FARS2: variants seen among roughly 807,000 people sequenced by gnomAD.
FARS2 encodes phenylalanyl-tRNA synthetase 2, mitochondrial, also known as phenylalanine--tRNA ligase, mitochondrial.
A neutral mutation model predicts 46.4 loss-of-function variants in FARS2; 40 were observed. The observed-to-expected ratio is 0.86, with a 90% CI of 0.67 to 1.12. The LOEUF (loss-of-function observed/expected upper bound fraction) is 1.12. FARS2 is among the 50% of genes most tolerant of loss of function. The probability of loss-of-function intolerance (pLI) is 0.00; values close to 1 mark genes in which losing one functional copy is unlikely to be tolerated. For synonymous variants in FARS2, 234 were observed against 214.9 expected (o/e 1.09, Z -0.78); for missense variants, 513 against 567.9 (o/e 0.90, Z 0.98).
At chr6:5,357,201 C>T (rs1757988361) in intron 1 of FARS2, among the ~76,000 whole-genome samples, 1 of 152,092 alleles carries the variant, frequency 6.6e-6, no homozygotes, top group Non-Finnish European at 1.5e-5. Flanking sequence ...GTCACTAGAT[C>T]CATTATGGGG....
At chr6:5,395,610 G>C (rs1376547281) in intron 2 of FARS2, among the ~76,000 whole-genome samples, 2 of 152,040 alleles carry the variant, frequency 1.3e-5, no homozygotes, top group African/African-American at 4.8e-5. Flanking sequence ...CATCTTATTA[G>C]TTCTCCTCTC....
intron 3 of FARS2, among the ~76,000 whole-genome samples, chr6:5,405,569 T>C (rs1761536936): frequency 7.0e-6 from 1 of 142,324 alleles, no homozygotes. Context: ...CTCAGCTCAC[T>C]GCAAGCTCTG....
intron 6 of FARS2, among the ~76,000 whole-genome samples, chr6:5,619,919 C>T (rs1775675746): frequency 1.3e-5 from 2 of 152,152 alleles, no homozygotes; most frequent in South Asian, 4.1e-4. Context: ...AGATGAGATT[C>T]ACCCATCATC....
chr6:5,454,148 T>C (rs1013689475), intron 4 of FARS2, among the ~76,000 whole-genome samples: 1 of 151,806 alleles, frequency 6.6e-6, no homozygotes, highest in African/African-American at 2.4e-5. Flanking sequence ...CAAAGCAGTA[T>C]GCCTAGTACT....
At chr6:5,271,480 A>G (rs901280962) in intron 1 of FARS2, among the ~76,000 whole-genome samples, 1 of 152,122 alleles carries the variant, frequency 6.6e-6, no homozygotes, top group Non-Finnish European at 1.5e-5. Context: ...TCACTAGAGC[A>G]ATCTTGCCAG....
At chr6:5,726,577 T>G (rs1760271528) in intron 6 of FARS2, among the ~76,000 whole-genome samples, 1 of 152,196 alleles carries the variant, frequency 6.6e-6, no homozygotes, top group Non-Finnish European at 1.5e-5. Flanking sequence ...CCTTTAATAT[T>G]TCTGCAATTG....
upstream of FARS2, chr6:5,261,329 C>T (rs1765104909): frequency 6.5e-6 from 1 of 152,978 alleles, no homozygotes; most frequent in Non-Finnish European, 1.5e-5. Flanking sequence ...GCCCTCGGCG[C>T]TGCCTGAGAG....
At chr6:5,569,841 C>T (rs1772539092) in intron 5 of FARS2, among the ~76,000 whole-genome samples, 1 of 152,000 alleles carries the variant, frequency 6.6e-6, no homozygotes, top group African/African-American at 2.4e-5. Flanking sequence ...GAATGGCTGT[C>T]AAGAGGACAG....
intron 4 of FARS2, chr6:5,466,567 C>T (rs1765526932): frequency 1.0e-6 from 1 of 985,302 alleles, no homozygotes; most frequent in Non-Finnish European, 1.2e-6. Flanking sequence ...AGGCTTGTTT[C>T]AGTTTCACAT....
chr6:5,276,174 A>G (rs370425083), intron 1 of FARS2, among the ~76,000 whole-genome samples: 3 of 152,218 alleles, frequency 2.0e-5, no homozygotes, highest in African/African-American at 4.8e-5. Context: ...TAGTTTCAGC[A>G]TGCTGTAATT....
chr6:5,678,035 A>G (rs1425777414), intron 6 of FARS2, among the ~76,000 whole-genome samples: 1 of 152,236 alleles, frequency 6.6e-6, no homozygotes, highest in Non-Finnish European at 1.5e-5. Context: ...AGAGAGATCA[A>G]GGCATCAAAG....
At chr6:5,593,960 TTCCACG>T (rs1561738182) in intron 5 of FARS2, among the ~76,000 whole-genome samples, 1 of 152,138 alleles carries the variant, frequency 6.6e-6, no homozygotes, top group Non-Finnish European at 1.5e-5. Flanking sequence ...GAAGGAGTGT[TTCCACG>T]TGGCAGGCAT....
intron 6 of FARS2, among the ~76,000 whole-genome samples, chr6:5,730,906 T>A (rs79458931): frequency 2.6e-5 from 4 of 152,198 alleles, no homozygotes; most frequent in African/African-American, 9.7e-5. Context: ...ATGAGGCAAC[T>A]GGAACACAGC....
At chr6:5,715,392 T>G (rs943293646) in intron 6 of FARS2, among the ~76,000 whole-genome samples, 6 of 152,196 alleles carry the variant, frequency 3.9e-5, no homozygotes, top group African/African-American at 1.4e-4. Context: ...TCGCCACAGT[T>G]GATTTTAAAA....
intron 6 of FARS2, among the ~76,000 whole-genome samples, chr6:5,733,410 A>G (rs879389148): frequency 1.1e-4 from 17 of 152,146 alleles, no homozygotes; most frequent in Non-Finnish European, 2.1e-4. Context: ...CACGTGGGCC[A>G]TTTTCTTTAA....
At chr6:5,390,341 G>A (rs1412616832) in intron 2 of FARS2, among the ~76,000 whole-genome samples, 1 of 152,204 alleles carries the variant, frequency 6.6e-6, no homozygotes, top group Non-Finnish European at 1.5e-5. Context: ...GATTAAGTTA[G>A]AAAGCAATGA....
chr6:5,364,668 A>G (rs1444246162), intron 1 of FARS2, among the ~76,000 whole-genome samples: 1 of 152,320 alleles, frequency 6.6e-6, no homozygotes, highest in South Asian at 2.1e-4. Context: ...TTACCTTGAT[A>G]GCAAGAAAGC....
chr6:5,721,592 C>G (rs1759913766), intron 6 of FARS2, among the ~76,000 whole-genome samples: 1 of 152,138 alleles, frequency 6.6e-6, no homozygotes, highest in South Asian at 2.1e-4. Flanking sequence ...TTATGTAACT[C>G]TTTTAAGCGT....
chr6:5,380,282 T>C (rs1375621545), intron 2 of FARS2, among the ~76,000 whole-genome samples: 2 of 152,222 alleles, frequency 1.3e-5, no homozygotes, highest in Non-Finnish European at 2.9e-5. Flanking sequence ...AGGAAAATTA[T>C]TGCCATTTAC....
Sources: allele counts gnomAD v4.1 joint callset (sites outside exome capture counted in the v4.1 genomes callset), GRCh38; gene constraint gnomAD v4.1.1; transcripts MANE v1.5; gene names NCBI Gene and HGNC (gene_info 2026-07-23, HGNC 2026-07-21).